Variants in TMEM61 observed in about 807,000 individuals in gnomAD.
The protein encoded by TMEM61 is transmembrane protein 61.
TMEM61 carries 13 observed loss-of-function variants against 12.0 expected under a neutral mutation model. The ratio of observed to expected loss-of-function variants is 1.08; its 90% confidence interval spans 0.70 to 1.72. The LOEUF is 1.72. TMEM61 is among the 40% of genes most tolerant of loss of function. The pLI is 0.00. For synonymous variants in TMEM61, 109 were observed against 121.4 expected (o/e 0.90, Z 0.67); for missense variants, 249 against 276.9 (o/e 0.90, Z 0.71).
intron 2 of TMEM61, among the ~76,000 whole-genome samples, chr1:54,987,841 G>A (rs1418040368): frequency 1.3e-5 from 2 of 152,196 alleles, no homozygotes; most frequent in African/African-American, 4.8e-5. Context: ...GTGAGCTGCT[G>A]GGACCTGGGA....
intron 2 of TMEM61, among the ~76,000 whole-genome samples, chr1:54,989,215 T>C (rs1360454864): frequency 6.6e-6 from 1 of 152,130 alleles, no homozygotes; most frequent in Non-Finnish European, 1.5e-5. Flanking sequence ...AGAGGTGTGA[T>C]AGGTGGACTT....
chr1:54,986,348 C>T lies in TMEM61; in HGVS notation c.267C>T (p.Val89=), dbSNP rs761965433. Residue 89 remains valine, a synonymous_variant, in exon 2 of 3, where the codon GTC becomes GTT. Transcript: ENST00000371268. ...LLLLIGLLWS[V]KASIPGPPRW... ...TGCTCATTGGCCTGCTGTGGTCCGT[C>T]AAGGCCAGCATCCCAGGGCCACCTC... 9 of 1,613,880 alleles carry T rather than the reference C, an allele frequency of 5.6e-6. No homozygotes were observed. The highest frequency in any genetic ancestry group is 2.7e-5 in the African/African-American group (2 of 74,938).
chr1:54,981,151 C>T, intron 1 of TMEM61, 71 bp downstream of exon 1: 1 of 1,518,186 alleles, frequency 6.6e-7, no homozygotes, highest in Non-Finnish European at 8.9e-7. Flanking sequence ...TGCCCCGACC[C>T]CTTCCCCTAA....
In TMEM61 at chr1:54,983,122, G is replaced by GTTTT. The variant is rs77100620; in HGVS notation, c.15+2048_15+2051dup. On this transcript the variant is annotated intron_variant, in intron 1 of 2. Coordinates refer to ENST00000371268, the MANE Select transcript of TMEM61 (RefSeq NM_182532.3). ...GTGTTTTGCTTTGTTTTTTTTTTTT[G>GTTTT]TTTTTTTTTGAGAAAGAGTCTCACT... Among the ~76,000 whole-genome samples, 14 of 124,860 alleles carry GTTTT rather than the reference G, an allele frequency of 1.1e-4. No homozygotes were observed. In the East Asian group the frequency reaches 2.1e-3, roughly 19 times the overall value. The allele number at this position is 124,860 out of a possible 152,430, so 81.9% of individuals were successfully genotyped here. A position where few individuals can be genotyped will look rare whatever the true frequency, so the allele number is the denominator to read the frequency against.
In TMEM61 at chr1:54,980,961, G is replaced by C. The variant is rs367912187; in HGVS notation, c.-105G>C. On this transcript the variant is annotated 5_prime_UTR_variant, in exon 1 of 3. Transcript: ENST00000371268. ...CACCCGCGCCTCCTGCAGACCCGAGGGTCGCCGCTGGTAGGGTCGCTCAGC... is the reference window on the plus strand; with the variant it reads ...CACCCGCGCCTCCTGCAGACCCGAGCGTCGCCGCTGGTAGGGTCGCTCAGC... The C allele has an allele frequency of 1.1e-3, 1,488 of 1,294,884 alleles. 19 individuals are homozygous for C. The South Asian group carries it at 0.015, about 13-fold the overall frequency. The allele number at this position is 1,294,884 out of a possible 1,614,324, so 80.2% of individuals were successfully genotyped here. A position where few individuals can be genotyped will look rare whatever the true frequency, so the allele number is the denominator to read the frequency against.
At chr1:54,989,702 T>A (rs140513795) in intron 2 of TMEM61, among the ~76,000 whole-genome samples, 2 of 152,248 alleles carry the variant, frequency 1.3e-5, no homozygotes, top group African/African-American at 4.8e-5. Context: ...CAGAAGGTGG[T>A]GTGAGGGCCG....
In TMEM61 at chr1:54,983,116, T is replaced by TTTTTG. The variant is rs1387634962; in HGVS notation, c.15+2040_15+2041insGTTTT. Among the ~76,000 whole-genome samples the TTTTTG allele has an allele frequency of 4.4e-4, 57 of 129,716 alleles. 1 individual carries two copies. The highest frequency in any genetic ancestry group is 1.5e-3 in the African/African-American group (57 of 37,702). 85.1% of individuals were successfully genotyped at this position (129,716 alleles called of 152,430 possible). A position where few individuals can be genotyped will look rare whatever the true frequency, so the allele number is the denominator to read the frequency against. On this transcript the variant is annotated intron_variant, in intron 1 of 2. Coordinates refer to ENST00000371268, the MANE Select transcript of TMEM61 (RefSeq NM_182532.3). ...TGATTTGTGTTTTGCTTTGTTTTTTTTTTTTGTTTTTTTTTGAGAAAGAGT... is the reference window on the plus strand; with the variant it reads ...TGATTTGTGTTTTGCTTTGTTTTTTTTTTTGTTTTTGTTTTTTTTTGAGAAAGAGT...
In TMEM61 at chr1:54,982,521, C is replaced by G. The variant is rs562852511; in HGVS notation, c.15+1441C>G. ...GGATGGCAGGTTAGCATGTGCCCTG[C>G]CTGCTGTGGGGGATCCACATGGAAG... On this transcript the variant is annotated intron_variant, in intron 1 of 2. Transcript: ENST00000371268. Among the ~76,000 whole-genome samples the G allele has an allele frequency of 1.9e-4, 29 of 152,292 alleles. No individual in the cohort carries two copies. In the South Asian group the frequency reaches 4.8e-3, roughly 25 times the overall value.
At chr1:54,984,401 G>T (rs945728994) in intron 1 of TMEM61, among the ~76,000 whole-genome samples, 2 of 152,168 alleles carry the variant, frequency 1.3e-5, no homozygotes, top group Non-Finnish European at 2.9e-5. Flanking sequence ...CAGGCCCGGG[G>T]CAGGTGAGAG....
intron 1 of TMEM61, among the ~76,000 whole-genome samples, chr1:54,985,219 A>ATGTGTGTGTGTGTGTGTGTG (rs35817239): frequency 1.3e-5 from 2 of 150,618 alleles, no homozygotes; most frequent in African/African-American, 4.9e-5. Context: ...GAACGTGTGT[A>ATGTGTGTGTGTGTGTGTGTG]TGTGTGTGTG....
At chr1:54,982,355 G>T (rs998875445) in intron 1 of TMEM61, among the ~76,000 whole-genome samples, 8 of 152,152 alleles carry the variant, frequency 5.3e-5, no homozygotes, top group Non-Finnish European at 7.3e-5. Context: ...AGAGGGTCCA[G>T]GTGAAAGGAG....
intron 2 of TMEM61, among the ~76,000 whole-genome samples, chr1:54,990,561 C>G (rs760975145): frequency 4.0e-4 from 61 of 152,184 alleles, no homozygotes; most frequent in Admixed American, 5.9e-4. Context: ...CCATTGGCCC[C>G]TCCTCGGTCT....
intron 2 of TMEM61, among the ~76,000 whole-genome samples, chr1:54,989,173 CTGAGGTGAGGAGAGA>C (rs1281712290): frequency 1.3e-5 from 2 of 152,200 alleles, no homozygotes; most frequent in East Asian, 3.9e-4. Context: ...GCTGAGAAGA[CTGAGGTGAGGAGAGA>C]TGAGGTGGCT....
At chr1:54,991,670 G>T (rs1008056389) in intron 2 of TMEM61, among the ~76,000 whole-genome samples, 166 bp from the exon 3 acceptor site, 2 of 152,322 alleles carry the variant, frequency 1.3e-5, no homozygotes, top group Admixed American at 1.3e-4. Flanking sequence ...GGCCACAGGG[G>T]CTGGCTCATG....
At position 54,991,895 on chromosome 1, in the gene TMEM61, AG is replaced by A. The variant is rs1644301737; in HGVS notation, c.429del (p.Pro145GlnfsTer70). 6.2e-7 allele frequency: 1 copy of A among 1,613,988 alleles called. No homozygotes were observed. The highest frequency in any genetic ancestry group is 8.5e-7 in the Non-Finnish European group (1 of 1,180,016). The stretch of plus-strand genomic sequence containing the variant: ...GAAGCCGTGAGCTTCCCAGTGGCCG[AG>A]GGGCCCCCAACACCACCTGCATACC... ...YEEAVSFPVA[E>X]GPPTPPAYPT... On this transcript the variant is annotated frameshift_variant, in exon 3 of 3. Transcript: ENST00000371268. LOFTEE classifies it low-confidence loss of function (END_TRUNC).
chr1:54,980,854 G>GGGAGGGCCCA lies in TMEM61; in HGVS notation c.-207_-198dup, dbSNP rs1244212629. The GGGAGGGCCCA allele has an allele frequency of 3.8e-5, 17 of 447,094 alleles. No homozygotes were observed. Among genetic ancestry groups the GGGAGGGCCCA allele is most frequent in the Non-Finnish European group, 6.1e-5 (16 of 260,294 alleles). 27.7% of individuals were successfully genotyped at this position (447,094 alleles called of 1,614,324 possible). On this transcript the variant is annotated 5_prime_UTR_variant, in exon 1 of 3. Transcript: ENST00000371268. ...GGAGAGGGCGCGGCTGGTGAGCCCTGGGAGGGCCCAGGAGCCAGACCTCGG... is the reference window on the plus strand; with the variant it reads ...GGAGAGGGCGCGGCTGGTGAGCCCTGGGAGGGCCCAGGAGGGCCCAGGAGCCAGACCTCGG...
chr1:54,982,574 C>T (rs541412865), intron 1 of TMEM61, among the ~76,000 whole-genome samples: 8 of 152,096 alleles, frequency 5.3e-5, no homozygotes, highest in African/African-American at 9.7e-5. Flanking sequence ...AAAATGACCC[C>T]GACCCCATGT....
Position 54,980,963 on chromosome 1 carries a change from T to C in TMEM61, c.-103T>C. The C allele has an allele frequency of 7.7e-7, 1 of 1,302,202 alleles. No individual in the cohort carries two copies. The highest frequency in any genetic ancestry group is 1.6e-5 in the South Asian group (1 of 62,136). The allele number at this position is 1,302,202 out of a possible 1,614,324, so 80.7% of individuals were successfully genotyped here. ...CCCGCGCCTCCTGCAGACCCGAGGG[T>C]CGCCGCTGGTAGGGTCGCTCAGCCC... On this transcript the variant is annotated 5_prime_UTR_variant, in exon 1 of 3. Transcript: ENST00000371268.
intron 2 of TMEM61, among the ~76,000 whole-genome samples, chr1:54,987,755 G>A (rs72907634): frequency 0.034 from 5,238 of 152,300 alleles, 283 homozygotes; most frequent in African/African-American, 0.12. Context: ...CCTGCTGGCT[G>A]CACGGCTGGC....
Sources: allele counts gnomAD v4.1 joint callset (sites outside exome capture counted in the v4.1 genomes callset), GRCh38; gene constraint gnomAD v4.1.1; transcripts MANE v1.5; gene names NCBI Gene and HGNC (gene_info 2026-07-23, HGNC 2026-07-21).